Variants in PTPRD observed in about 807,000 individuals in gnomAD.
The protein encoded by PTPRD is protein tyrosine phosphatase receptor type D.
In PTPRD, 34 loss-of-function variants were observed where a neutral mutation model predicts 214.5. That is an observed-to-expected ratio of 0.16 (90% CI 0.12 to 0.21). The LOEUF is 0.21. Among genes scored for constraint, PTPRD ranks in the 10% least tolerant of loss-of-function variants. PTPRD has a pLI of 1.00. For synonymous variants in PTPRD, 1,128 were observed against 845.7 expected, an observed-to-expected ratio of 1.33 and a Z score of -5.79; for missense variants, 2,545 against 2,398.7, an observed-to-expected ratio of 1.06 and a Z score of -1.27.
chr9:9,547,943 A>T (rs965632084), intron 8 of PTPRD, among the ~76,000 whole-genome samples: 2 of 152,028 alleles, frequency 1.3e-5, no homozygotes, highest in African/African-American at 2.4e-5. Context: ...AATGATAGGA[A>T]TTTTTTCTGA....
At chr9:9,779,473 C>T (rs560702696) in intron 5 of PTPRD, among the ~76,000 whole-genome samples, 1 of 152,070 alleles carries the variant, frequency 6.6e-6, no homozygotes. Context: ...GGTCTAATAT[C>T]CGGAATGTAT....
intron 11 of PTPRD, among the ~76,000 whole-genome samples, chr9:8,945,416 C>CTATT (rs2099057837): frequency 1.3e-5 from 2 of 152,044 alleles, no homozygotes. Flanking sequence ...CGTTTTTACT[C>CTATT]TATTTCAAAT....
intron 8 of PTPRD, among the ~76,000 whole-genome samples, chr9:9,541,741 A>G (rs1177898996): frequency 6.6e-6 from 1 of 151,880 alleles, no homozygotes; most frequent in Non-Finnish European, 1.5e-5. Flanking sequence ...AGAGCTAAGA[A>G]TGTTTCCACT....
intron 8 of PTPRD, among the ~76,000 whole-genome samples, chr9:9,413,725 C>G (rs2076205591): frequency 6.6e-6 from 1 of 152,124 alleles, no homozygotes; most frequent in Non-Finnish European, 1.5e-5. Context: ...TCTTTAAGCT[C>G]TGATTTCCTT....
intron 2 of PTPRD, among the ~76,000 whole-genome samples, chr9:10,586,751 T>G (rs1439356457): frequency 2.6e-5 from 4 of 151,528 alleles, no homozygotes; most frequent in African/African-American, 9.7e-5. Flanking sequence ...CTTCAAAAAT[T>G]TGTGTTTGCA....
At chr9:10,241,510 T>A (rs1406711583) in intron 3 of PTPRD, among the ~76,000 whole-genome samples, 1 of 151,964 alleles carries the variant, frequency 6.6e-6, no homozygotes, top group East Asian at 1.9e-4. Flanking sequence ...GAACTACTAC[T>A]TCACAACAAA....
chr9:10,550,204 C>G (rs1535459), intron 2 of PTPRD, among the ~76,000 whole-genome samples: 1,714 of 152,326 alleles, frequency 0.011, 25 homozygotes, highest in South Asian at 0.039. Context: ...TCCAAACATT[C>G]TTCACTATCC....
intron 5 of PTPRD, among the ~76,000 whole-genome samples, chr9:9,892,220 A>G (rs10123433): frequency 0.047 from 7,165 of 152,186 alleles, 334 homozygotes; most frequent in African/African-American, 0.12. Context: ...GAAGAAAAGT[A>G]ATAAAGGAGG....
At chr9:9,149,838 C>A (rs903128895) in intron 10 of PTPRD, among the ~76,000 whole-genome samples, 1 of 152,100 alleles carries the variant, frequency 6.6e-6, no homozygotes. Flanking sequence ...TTCATGAGGG[C>A]GTATCACTGA....
intron 9 of PTPRD, among the ~76,000 whole-genome samples, chr9:9,188,913 T>G (rs1177389059): frequency 6.6e-6 from 1 of 151,366 alleles, no homozygotes. Context: ...GTGGAAAGAG[T>G]CTCTTTACAC....
intron 3 of PTPRD, among the ~76,000 whole-genome samples, chr9:10,273,638 G>C (rs962352210): frequency 1.3e-5 from 2 of 152,080 alleles, no homozygotes; most frequent in African/African-American, 4.8e-5. Flanking sequence ...TACAGAAATT[G>C]ATAGAAATAG....
rs148314023 is a variant in PTPRD, at chr9:9,971,463, T to C, written c.-471-32853A>G. On this transcript the variant is annotated intron_variant, in intron 4 of 45. Transcript: ENST00000381196. The stretch of plus-strand genomic sequence containing the variant: ...AATTAGCTTGAAAGCAGTATAACTC[T>C]ACTTTTGTATTTTGAATTTTCCAGA... Among the ~76,000 whole-genome samples the C allele has an allele frequency of 6.8e-4, 103 of 152,336 alleles. 1 individual carries two copies. The East Asian group carries it at 0.019, about 27-fold the overall frequency.
rs192604026 is a variant in PTPRD at position 9,375,607 on chromosome 9, A to T, written c.-203+21842T>A. 3.3e-5 allele frequency among the ~76,000 whole-genome samples: 5 copies of T among 152,256 alleles called. No homozygotes were observed. In the East Asian group the frequency reaches 9.7e-4, roughly 29 times the overall value. On this transcript the variant is annotated intron_variant, in intron 9 of 45. Coordinates refer to ENST00000381196, the MANE Select transcript of PTPRD (RefSeq NM_002839.4). Reference sequence around the variant, plus strand: ...CAAGACTCCGTCTCAAAAAACAAACAAACAAAAAACAAAAAAGAATGAAAA... The same window carrying T: ...CAAGACTCCGTCTCAAAAAACAAACTAACAAAAAACAAAAAAGAATGAAAA...
intron 35 of PTPRD, among the ~76,000 whole-genome samples, chr9:8,423,897 G>A (rs756863638): frequency 1.3e-5 from 2 of 152,020 alleles, no homozygotes; most frequent in Admixed American, 6.6e-5. Context: ...GGTAGTTATA[G>A]AATCAATCTG....
chr9:8,336,536 C>A (rs985036352), intron 43 of PTPRD, among the ~76,000 whole-genome samples: 6 of 139,804 alleles, frequency 4.3e-5, no homozygotes, highest in South Asian at 2.3e-4. Context: ...TAGGTATACA[C>A]AAAGACTTCA....
intron 9 of PTPRD, among the ~76,000 whole-genome samples, chr9:9,275,813 A>G (rs890441244): frequency 6.7e-6 from 1 of 150,268 alleles, no homozygotes; most frequent in Non-Finnish European, 1.5e-5. Context: ...ACAGTGAGCG[A>G]AACAGCTGTG....
At chr9:8,441,578 T>G (rs1422569557) in intron 34 of PTPRD, among the ~76,000 whole-genome samples, 1 of 151,920 alleles carries the variant, frequency 6.6e-6, no homozygotes, top group South Asian at 2.1e-4. Context: ...TTCTTTAATC[T>G]GTGTGTATGT....
chr9:10,131,767 T>C (rs1310579415), intron 3 of PTPRD, among the ~76,000 whole-genome samples: 1 of 152,148 alleles, frequency 6.6e-6, no homozygotes, highest in Non-Finnish European at 1.5e-5. Context: ...GATGTACTAC[T>C]TCACAATTTT....
chr9:10,401,311 T>A (rs946867203), intron 2 of PTPRD, among the ~76,000 whole-genome samples: 1 of 151,578 alleles, frequency 6.6e-6, no homozygotes, highest in Non-Finnish European at 1.5e-5. Flanking sequence ...GGTTCTGTCT[T>A]GCCTGAAGTA....
Sources: gnomAD v4.1 joint callset for allele counts (sites outside exome capture counted in the v4.1 genomes callset) on GRCh38, gnomAD v4.1.1 for gene constraint, MANE v1.5 for transcripts, NCBI Gene and HGNC (gene_info 2026-07-23, HGNC 2026-07-21) for gene names.